Variants in GRID1 observed in about 807,000 individuals in gnomAD.
GRID1 encodes glutamate ionotropic receptor delta type subunit 1.
In GRID1, 28 loss-of-function variants were observed where a neutral mutation model predicts 98.0. The observed-to-expected ratio is 0.29, with a 90% confidence interval of 0.21 to 0.39. The LOEUF is 0.39. GRID1 is among the 10% of genes least tolerant of loss of function. The probability of loss-of-function intolerance (pLI) is 1.00; values close to 1 mark genes in which losing one functional copy is unlikely to be tolerated. For synonymous variants in GRID1, 553 were observed against 538.5 expected, an observed-to-expected ratio of 1.03 and a Z score of -0.37; for missense variants, 1,111 against 1,340.5, an observed-to-expected ratio of 0.83 and a Z score of 2.67.
chr10:85,831,052 C>G (rs1842863148), intron 8 of GRID1, among the ~76,000 whole-genome samples: 1 of 151,868 alleles, frequency 6.6e-6, no homozygotes, highest in Admixed American at 6.6e-5. Context: ...GACATGAAGT[C>G]AACATTAATG....
At chr10:86,286,995 T>C (rs973872176) in intron 2 of GRID1, among the ~76,000 whole-genome samples, 2 of 152,264 alleles carry the variant, frequency 1.3e-5, no homozygotes, top group South Asian at 2.1e-4. Flanking sequence ...CATGCTCTTA[T>C]AGGCTGGTCA....
At chr10:86,249,974 T>A (rs1846794491) in intron 2 of GRID1, among the ~76,000 whole-genome samples, 1 of 150,940 alleles carries the variant, frequency 6.6e-6, no homozygotes, top group Non-Finnish European at 1.5e-5. Flanking sequence ...GGTGGGTGGA[T>A]AGATGGATGG....
rs572482355 is a variant in GRID1, at chr10:86,301,682, A to G, written c.235+62259T>C. 4.2e-3 allele frequency among the ~76,000 whole-genome samples: 646 copies of G among 152,344 alleles called. 9 individuals are homozygous for G. Among genetic ancestry groups the G allele is most frequent in the Non-Finnish European group, 4.4e-3 (300 of 68,014 alleles). On this transcript the variant is annotated intron_variant, in intron 2 of 15. Transcript: ENST00000327946. The stretch of plus-strand genomic sequence containing the variant: ...AGCCAGTGCATCCAAAAGCCAGTGC[A>G]TCCAGCCCTCTGCCTCTGAGCAGTG...
chr10:85,701,688 C>G (rs887656458), intron 12 of GRID1, among the ~76,000 whole-genome samples: 1 of 152,040 alleles, frequency 6.6e-6, no homozygotes, highest in Non-Finnish European at 1.5e-5. Flanking sequence ...GAAGAGTAAA[C>G]TAAACAAAAA....
chr10:85,821,516 C>CAAAA (rs1157209045), intron 8 of GRID1, among the ~76,000 whole-genome samples: 7 of 9,112 alleles, frequency 7.7e-4, no homozygotes, highest in Non-Finnish European at 1.1e-3. Flanking sequence ...GACTTCATCT[C>CAAAA]AAAAAAAAAA....
At chr10:86,262,492 C>T (rs117475140) in intron 2 of GRID1, among the ~76,000 whole-genome samples, 3,718 of 152,290 alleles carry the variant, frequency 0.024, 51 homozygotes, top group Middle Eastern at 0.054. Flanking sequence ...GTCCCCACAC[C>T]CCACCACACC....
chr10:86,005,090 T>C (rs1466430825), intron 4 of GRID1, among the ~76,000 whole-genome samples: 1 of 152,186 alleles, frequency 6.6e-6, no homozygotes, highest in Non-Finnish European at 1.5e-5. Context: ...AGGACCTGGA[T>C]GGTGGGCATG....
At chr10:86,073,139 C>A (rs1402805589) in intron 4 of GRID1, among the ~76,000 whole-genome samples, 1 of 152,222 alleles carries the variant, frequency 6.6e-6, no homozygotes, top group Non-Finnish European at 1.5e-5. Context: ...GGCATTAACA[C>A]CCCCAGATAT....
intron 8 of GRID1, among the ~76,000 whole-genome samples, chr10:85,755,607 A>T (rs1295982902): frequency 6.6e-6 from 1 of 152,214 alleles, no homozygotes; most frequent in Non-Finnish European, 1.5e-5. Context: ...GAGGGCGCTC[A>T]TGCTCTGCTG....
chr10:85,688,084 T>C (rs985781188), intron 12 of GRID1, among the ~76,000 whole-genome samples: 1 of 152,216 alleles, frequency 6.6e-6, no homozygotes, highest in African/African-American at 2.4e-5. Context: ...AATTCAAGTT[T>C]TCCAGGAAGA....
intron 5 of GRID1, among the ~76,000 whole-genome samples, chr10:85,880,779 T>C (rs918276466): frequency 1.3e-4 from 20 of 152,012 alleles, no homozygotes; most frequent in African/African-American, 4.1e-4. Flanking sequence ...CCAGGGCAAT[T>C]AGGCAGGAGA....
chr10:86,140,904 G>A (rs1845001640), intron 3 of GRID1, among the ~76,000 whole-genome samples: 1 of 152,186 alleles, frequency 6.6e-6, no homozygotes, highest in Non-Finnish European at 1.5e-5. Context: ...GGTGCATGGG[G>A]AGGGCACAGC....
chr10:85,757,923 C>A (rs1842114304), intron 8 of GRID1, among the ~76,000 whole-genome samples: 1 of 152,218 alleles, frequency 6.6e-6, no homozygotes, highest in Non-Finnish European at 1.5e-5. Flanking sequence ...GTGTAAGCTC[C>A]AACCAGAACA....
intron 2 of GRID1, among the ~76,000 whole-genome samples, chr10:86,305,431 G>T (rs1464448067): frequency 6.6e-6 from 1 of 152,182 alleles, no homozygotes; most frequent in African/African-American, 2.4e-5. Flanking sequence ...TTGGCTTTAG[G>T]ATTGTGTAAA....
chr10:86,039,216 G>A lies in GRID1; in HGVS notation c.726+99603C>T, dbSNP rs117078333. ...ATTCCTCACTCCTAACCTCTCTATG[G>A]TCATTTTCCCCTATTCCTCCACCCT... On this transcript the variant is annotated intron_variant, in intron 4 of 15. Coordinates refer to ENST00000327946, the MANE Select transcript of GRID1 (RefSeq NM_017551.3). 3.3e-5 allele frequency among the ~76,000 whole-genome samples: 5 copies of A among 152,102 alleles called. No homozygotes were observed. In the East Asian group the frequency reaches 9.7e-4, roughly 29 times the overall value.
At chr10:85,671,055 C>T (rs566035121) in intron 12 of GRID1, among the ~76,000 whole-genome samples, 15 of 152,304 alleles carry the variant, frequency 9.8e-5, no homozygotes, top group South Asian at 6.2e-4. Flanking sequence ...CCTCAATCCC[C>T]CAAATATAAA....
intron 2 of GRID1, chr10:86,264,637 T>C (rs1485724092): frequency 6.5e-6 from 3 of 461,772 alleles, no homozygotes; most frequent in East Asian, 1.4e-4. Flanking sequence ...TGGAGGTAGG[T>C]TGGGAGCGAA....
intron 4 of GRID1, among the ~76,000 whole-genome samples, chr10:85,983,379 C>T (rs1192799915): frequency 2.0e-5 from 3 of 152,196 alleles, no homozygotes; most frequent in Non-Finnish European, 4.4e-5. Context: ...GCTACGTGTC[C>T]ACTGCCCACT....
intron 12 of GRID1, among the ~76,000 whole-genome samples, chr10:85,684,427 G>T (rs1841246011): frequency 6.6e-6 from 1 of 152,248 alleles, no homozygotes; most frequent in East Asian, 1.9e-4. Context: ...TGCAAAGTTG[G>T]TTTAAAATTA....
Sources: allele counts gnomAD v4.1 joint callset (sites outside exome capture counted in the v4.1 genomes callset), GRCh38; gene constraint gnomAD v4.1.1; transcripts MANE v1.5; gene names NCBI Gene and HGNC (gene_info 2026-07-23, HGNC 2026-07-21).